Variants in EIPR1 observed in about 807,000 individuals in gnomAD.
The protein encoded by EIPR1 is EARP and GARP complex-interacting protein 1.
Under a neutral mutation model 48.1 loss-of-function variants are expected in EIPR1, and 25 were observed. That is an observed-to-expected ratio of 0.52 (90% CI 0.38 to 0.73). The LOEUF (loss-of-function observed/expected upper bound fraction) is 0.73. EIPR1 is among the 30% of genes least tolerant of loss of function. The pLI is 0.00. For synonymous variants in EIPR1, 204 were observed against 201.9 expected, an observed-to-expected ratio of 1.01 and a Z score of -0.09; for missense variants, 415 against 506.2, an observed-to-expected ratio of 0.82 and a Z score of 1.73.
intron 3 of EIPR1, chr2:3,300,891 G>A (rs1428892612): frequency 6.6e-6 from 1 of 152,182 alleles, no homozygotes; most frequent in Non-Finnish European, 1.5e-5. Context: ...AACAGCACAG[G>A]CTTCTGTGTG....
chr2:3,259,460 T>TC (rs1667260612), intron 3 of EIPR1, among the ~76,000 whole-genome samples: 1 of 152,158 alleles, frequency 6.6e-6, no homozygotes, highest in African/African-American at 2.4e-5. Context: ...GTAAGCTACC[T>TC]CCCTTCAAAG....
At chr2:3,295,823 C>T (rs1445791123) in intron 3 of EIPR1, among the ~76,000 whole-genome samples, 3 of 137,482 alleles carry the variant, frequency 2.2e-5, no homozygotes, top group Admixed American at 2.2e-4. Flanking sequence ...CCATCCAGCC[C>T]ATCCTCTCCC....
intron 4 of EIPR1, among the ~76,000 whole-genome samples, chr2:3,217,074 C>T (rs964811595): frequency 3.9e-5 from 6 of 152,122 alleles, no homozygotes; most frequent in African/African-American, 1.2e-4. Context: ...CACAAGAGAA[C>T]ATAATTGTGG....
intron 4 of EIPR1, among the ~76,000 whole-genome samples, chr2:3,228,148 C>T (rs1021381707): frequency 2.0e-5 from 3 of 152,272 alleles, no homozygotes; most frequent in Non-Finnish European, 2.9e-5. Flanking sequence ...AAGCTGCAGA[C>T]ACTCAATGCC....
intron 3 of EIPR1, among the ~76,000 whole-genome samples, chr2:3,270,554 CAT>C (rs1323401857): frequency 1.3e-5 from 2 of 152,148 alleles, no homozygotes; most frequent in Non-Finnish European, 2.9e-5. Flanking sequence ...AAAAGAGAGT[CAT>C]ATTAATTTTT....
chr2:3,256,464 A>T (rs1029044137), intron 4 of EIPR1, among the ~76,000 whole-genome samples: 1 of 152,102 alleles, frequency 6.6e-6, no homozygotes, highest in Non-Finnish European at 1.5e-5. Context: ...GTGTCCCTGG[A>T]GCCTGGCAGG....
At chr2:3,342,686 T>C (rs998629362) in intron 2 of EIPR1, among the ~76,000 whole-genome samples, 1 of 152,230 alleles carries the variant, frequency 6.6e-6, no homozygotes, top group African/African-American at 2.4e-5. Flanking sequence ...GCATCTCCTC[T>C]AGGTTCACCT....
chr2:3,221,110 C>T (rs13007529), intron 4 of EIPR1, among the ~76,000 whole-genome samples: 10 of 6,342 alleles, frequency 1.6e-3, no homozygotes, highest in Middle Eastern at 0.1. Context: ...ACAGTGAGTC[C>T]GGAACACACG....
intron 4 of EIPR1, among the ~76,000 whole-genome samples, chr2:3,225,697 A>T: frequency 6.6e-6 from 1 of 152,108 alleles, no homozygotes; most frequent in Non-Finnish European, 1.5e-5. Context: ...TACACAATAC[A>T]CTATTATTAA....
At chr2:3,193,593 CAT>C (rs1268277659) in intron 7 of EIPR1, among the ~76,000 whole-genome samples, 1 of 152,232 alleles carries the variant, frequency 6.6e-6, no homozygotes, top group Non-Finnish European at 1.5e-5. Context: ...CCCACAGCCA[CAT>C]AGAGATGCTC....
At position 3,192,572 on chromosome 2, in the gene EIPR1, G is replaced by T. The variant is rs146750951; in HGVS notation, c.831C>A (p.Asn277Lys). The change falls in exon 8 of 9, where the codon AAC becomes AAA. Residue 277 changes from asparagine to lysine, a missense_variant. Transcript: ENST00000382125. ...TLEEHSHWVW[N>K]VRYNHSHDQL... Reference sequence around the variant, plus strand: ...GGTCATGAGAGTGGTTGTAGCGGACGTTCCACACCCTGCAAAGGGCAAGGC... The same window carrying T: ...GGTCATGAGAGTGGTTGTAGCGGACTTTCCACACCCTGCAAAGGGCAAGGC... 1 of 1,611,138 alleles carries T rather than the reference G, an allele frequency of 6.2e-7. No individual in the cohort carries two copies. Among genetic ancestry groups the T allele is most frequent in the Non-Finnish European group, 8.5e-7 (1 of 1,179,244 alleles).
intron 3 of EIPR1, among the ~76,000 whole-genome samples, chr2:3,329,719 G>C (rs1334697092): frequency 6.7e-6 from 1 of 150,064 alleles, no homozygotes; most frequent in Non-Finnish European, 1.5e-5. Flanking sequence ...GGGCTCCCCT[G>C]CATCAGGCTC....
intron 3 of EIPR1, among the ~76,000 whole-genome samples, chr2:3,322,497 T>G (rs1452631571): frequency 6.6e-6 from 1 of 152,236 alleles, no homozygotes; most frequent in Non-Finnish European, 1.5e-5. Context: ...AAATGGAACC[T>G]ACAAAGTTCA....
intron 4 of EIPR1, among the ~76,000 whole-genome samples, chr2:3,228,400 GC>G (rs1162455993): frequency 6.6e-6 from 1 of 152,218 alleles, no homozygotes; most frequent in Non-Finnish European, 1.5e-5. Flanking sequence ...TTTGCTCAAT[GC>G]CTGTACCACC....
intron 6 of EIPR1, among the ~76,000 whole-genome samples, 148 bp downstream of exon 6, chr2:3,196,727 CAAGATG>C (rs1049351481): frequency 1.6e-4 from 25 of 152,222 alleles, no homozygotes; most frequent in African/African-American, 6.0e-4. Flanking sequence ...GGTGAAGAAA[CAAGATG>C]AAGATTTATG....
chr2:3,317,758 A>G (rs1031578083), intron 3 of EIPR1, among the ~76,000 whole-genome samples: 4 of 152,242 alleles, frequency 2.6e-5, no homozygotes, highest in East Asian at 3.9e-4. Context: ...CTGGGTCCCT[A>G]TGAGAAGAGA....
chr2:3,342,828 T>C (rs2103358417), intron 2 of EIPR1, among the ~76,000 whole-genome samples: 1 of 152,328 alleles, frequency 6.6e-6, no homozygotes, highest in Non-Finnish European at 1.5e-5. Context: ...GTCTTGAGAT[T>C]TTCCCACATA....
intron 3 of EIPR1, among the ~76,000 whole-genome samples, chr2:3,332,465 G>C (rs935934713): frequency 7.9e-5 from 12 of 152,198 alleles, no homozygotes; most frequent in South Asian, 2.1e-4. Context: ...AGGTCCAATT[G>C]AGACCTGAAG....
At chr2:3,256,045 T>C (rs558862235) in intron 4 of EIPR1, among the ~76,000 whole-genome samples, 78 of 152,302 alleles carry the variant, frequency 5.1e-4, no homozygotes, top group African/African-American at 1.9e-3. Flanking sequence ...CTCCCCTTAC[T>C]GTGCAAGACT....
Sources: allele counts gnomAD v4.1 joint callset (sites outside exome capture counted in the v4.1 genomes callset), GRCh38; gene constraint gnomAD v4.1.1; transcripts MANE v1.5; gene names NCBI Gene and HGNC (gene_info 2026-07-23, HGNC 2026-07-21).